RAB7B: variants seen among roughly 807,000 people sequenced by gnomAD.
RAB7B encodes the protein ras-related protein Rab-7b.
intron 4 of RAB7B, among the ~76,000 whole-genome samples, chr1:205,991,782 A>T (rs954514234): frequency 6.6e-6 from 1 of 152,222 alleles, no homozygotes; most frequent in Non-Finnish European, 1.5e-5. Context: ...CTTTTGGCCC[A>T]AGAGCATCTT....
rs1056341659 is a variant in RAB7B at position 205,985,524 on chromosome 1, C to T, written c.522+16G>A. ...CAGGGGCGGTCTCAGCAGGTCCTGC[C>T]GCCACAGCCACTCACCCTCGACAGA... is the stretch of plus-strand genomic sequence containing the variant. On this transcript the variant is annotated intron_variant, in intron 5 of 5. Coordinates refer to ENST00000617070, the MANE Select transcript of RAB7B (RefSeq NM_001164522.3). 77 of 398,706 alleles carry T rather than the reference C, an allele frequency of 1.9e-4. No individual in the cohort carries two copies. The highest frequency in any genetic ancestry group is 1.3e-3 in the African/African-American group (65 of 48,592). The allele number at this position is 398,706 out of a possible 1,614,324, so 24.7% of individuals were successfully genotyped here. A position where few individuals can be genotyped will look rare whatever the true frequency, so the allele number is the denominator to read the frequency against.
intron 4 of RAB7B, among the ~76,000 whole-genome samples, chr1:205,987,932 TG>T (rs1250456581): frequency 1.3e-5 from 2 of 152,200 alleles, no homozygotes; most frequent in Non-Finnish European, 1.5e-5. Context: ...TTTGGAGAGA[TG>T]GGGGTCTCAC....
Position 205,978,813 on chromosome 1 carries a change from G to A in RAB7B, c.*38C>T, listed in dbSNP as rs1660433502. On this transcript the variant is annotated 3_prime_UTR_variant, in exon 6 of 6. Coordinates refer to ENST00000617070, the MANE Select transcript of RAB7B (RefSeq NM_001164522.3). ...GCCTGGGGTGACCAGGCTCGGGGCA[G>A]GCTCTGTTTCTGGGCTTCCAGAGCA... is the stretch of plus-strand genomic sequence containing the variant. The A allele has an allele frequency of 2.5e-6, 1 of 398,586 alleles. No homozygotes were observed. The highest frequency in any genetic ancestry group is 2.1e-5 in the African/African-American group (1 of 48,630). 24.7% of individuals were successfully genotyped at this position (398,586 alleles called of 1,614,324 possible).
chr1:205,996,143 AGTGTGT>A (rs1182397777), intron 1 of RAB7B, among the ~76,000 whole-genome samples: 14,696 of 142,574 alleles, frequency 0.1, 1,122 homozygotes, highest in African/African-American at 0.22. Flanking sequence ...GTAAATGTAT[AGTGTGT>A]GTGTGTGTGT....
intron 5 of RAB7B, among the ~76,000 whole-genome samples, chr1:205,979,551 C>CT (rs1660449044): frequency 1.3e-5 from 2 of 152,144 alleles, no homozygotes. Context: ...CCTGCCCCCC[C>CT]TCCCCAGTTC....
chr1:205,997,887 G>A lies in RAB7B; in HGVS notation c.-16-3736C>T, dbSNP rs1023559715. On this transcript the variant is annotated intron_variant, in intron 1 of 5. Transcript: ENST00000617070. ...AGGCAGGCAGGAAGAAGCGGGAGAA[G>A]AGGCAGCACTGGCTGAGCCCCTGCA... 6.2e-3 allele frequency among the ~76,000 whole-genome samples: 946 copies of A among 152,326 alleles called. 8 individuals are homozygous for A. The highest frequency in any genetic ancestry group is 0.022 in the African/African-American group (897 of 41,566).
intron 2 of RAB7B, 139 bp downstream of exon 2, chr1:205,993,944 C>T: frequency 2.5e-6 from 1 of 396,524 alleles, no homozygotes; most frequent in Non-Finnish European, 4.4e-6. Context: ...AACTAAGCTT[C>T]TTTTCTGGGG....
chr1:205,982,899 T>C (rs1346001429), intron 5 of RAB7B, among the ~76,000 whole-genome samples: 1 of 152,246 alleles, frequency 6.6e-6, no homozygotes, highest in Non-Finnish European at 1.5e-5. Context: ...ATCTTAAGAA[T>C]TGATGTGAAT....
chr1:205,995,572 T>C (rs1222158022), intron 1 of RAB7B, among the ~76,000 whole-genome samples: 2 of 152,078 alleles, frequency 1.3e-5, no homozygotes, highest in Non-Finnish European at 2.9e-5. Flanking sequence ...AAAAAAAAAC[T>C]TACAATTTAT....
Position 205,978,603 on chromosome 1 carries a change from C to T in RAB7B, c.*248G>A. On this transcript the variant is annotated 3_prime_UTR_variant, in exon 6 of 6. Transcript: ENST00000617070. ...TGCGGAAACGGTGACTTCTGCAGGA[C>T]CAGGGTTTGGCTCTGACATTCCGGG... The T allele has an allele frequency of 2.9e-6, 1 of 349,228 alleles. No individual in the cohort carries two copies. Among genetic ancestry groups the T allele is most frequent in the Non-Finnish European group, 5.1e-6 (1 of 194,886 alleles). The allele number at this position is 349,228 out of a possible 1,614,324, so 21.6% of individuals were successfully genotyped here. A position where few individuals can be genotyped will look rare whatever the true frequency, so the allele number is the denominator to read the frequency against.
chr1:205,986,429 G>A (rs1660609489), intron 4 of RAB7B, among the ~76,000 whole-genome samples: 1 of 152,224 alleles, frequency 6.6e-6, no homozygotes, highest in Non-Finnish European at 1.5e-5. Context: ...CTGAGAGAAG[G>A]CAGAGCTTGG....
intron 5 of RAB7B, among the ~76,000 whole-genome samples, chr1:205,980,954 T>G (rs1200634786): frequency 4.0e-5 from 6 of 150,900 alleles, no homozygotes; most frequent in African/African-American, 1.5e-4. Context: ...CAGGCTGGAG[T>G]GCAGTGGCAC....
At chr1:205,995,652 T>C (rs996517360) in intron 1 of RAB7B, among the ~76,000 whole-genome samples, 1 of 152,318 alleles carries the variant, frequency 6.6e-6, no homozygotes, top group East Asian at 1.9e-4. Flanking sequence ...AAATACCATA[T>C]GATCTCACTT....
intron 1 of RAB7B, among the ~76,000 whole-genome samples, chr1:205,994,854 A>G: frequency 6.6e-6 from 1 of 152,348 alleles, no homozygotes; most frequent in South Asian, 2.1e-4. Flanking sequence ...CATAGCACAC[A>G]ATGAATTATT....
At chr1:205,989,047 C>T (rs973873117) in intron 4 of RAB7B, among the ~76,000 whole-genome samples, 44 of 152,108 alleles carry the variant, frequency 2.9e-4, no homozygotes, top group African/African-American at 1.1e-3. Context: ...AGTGCCTCCT[C>T]CCCTCCCCTA....
intron 5 of RAB7B, among the ~76,000 whole-genome samples, chr1:205,982,439 C>T (rs1170064571): frequency 2.0e-5 from 3 of 152,182 alleles, no homozygotes; most frequent in African/African-American, 4.8e-5. Context: ...TCACCCATGG[C>T]GCTCATCCTC....
intron 3 of RAB7B, 121 bp downstream of exon 3, chr1:205,993,299 T>G (rs1304237714): frequency 1.3e-5 from 5 of 394,684 alleles, no homozygotes; most frequent in East Asian, 3.6e-5. Context: ...GAGCTGAAGT[T>G]TGCTCATCTC....
intron 1 of RAB7B, among the ~76,000 whole-genome samples, chr1:205,994,761 C>T (rs1372290824): frequency 2.0e-5 from 3 of 152,108 alleles, no homozygotes; most frequent in Non-Finnish European, 4.4e-5. Flanking sequence ...AGAAATTATC[C>T]GAAATGTGGG....
intron 4 of RAB7B, among the ~76,000 whole-genome samples, chr1:205,991,608 T>C (rs1334144033): frequency 6.6e-6 from 1 of 152,190 alleles, no homozygotes; most frequent in African/African-American, 2.4e-5. Context: ...TCTCTCCCTT[T>C]CTCCTTCCAT....
Sources: allele counts gnomAD v4.1 joint callset (sites outside exome capture counted in the v4.1 genomes callset), GRCh38; gene constraint gnomAD v4.1.1; transcripts MANE v1.5; gene names NCBI Gene and HGNC (gene_info 2026-07-23, HGNC 2026-07-21).